MCEE: variants seen among roughly 807,000 people sequenced by gnomAD.
MCEE encodes methylmalonyl-CoA epimerase, also known as methylmalonyl-CoA epimerase, mitochondrial.
MCEE carries 6 observed loss-of-function variants against 12.9 expected under a neutral mutation model. That is an observed-to-expected ratio of 0.47 (90% CI 0.26 to 0.92). The LOEUF is 0.92. MCEE is among the 40% of genes least tolerant of loss of function. The pLI, the probability that MCEE is intolerant of heterozygous loss-of-function variation, is 0.16. For synonymous variants in MCEE, 78 were observed against 77.9 expected, an observed-to-expected ratio of 1.00 and a Z score of -0.01; for missense variants, 214 against 212.1, an observed-to-expected ratio of 1.01 and a Z score of -0.05.
In MCEE at chr2:71,124,381, A is replaced by C. The variant is rs1205207194; in HGVS notation, c.203T>G (p.Ile68Ser). ...CGCTTCACTTACCTGGGCCCCCAGA[A>C]TATTCTTATAAAATGCTGCAGCCTT... ...LEKAAAFYKNILGAQVSEAVP... is the reference protein window; with the variant it reads ...LEKAAAFYKNSLGAQVSEAVP... The change falls in exon 2 of 3, where the codon ATT (isoleucine) becomes AGT (serine). Residue 68 changes from isoleucine (I) to serine (S), a missense_variant. Coordinates refer to ENST00000244217, the MANE Select transcript of MCEE (RefSeq NM_032601.4). 6.2e-7 allele frequency: 1 copy of C among 1,614,028 alleles called. No homozygotes were observed. The highest frequency in any genetic ancestry group is 1.3e-5 in the African/African-American group (1 of 74,918).
chr2:71,122,523 A>G (rs2103634974), intron 2 of MCEE, among the ~76,000 whole-genome samples: 1 of 152,344 alleles, frequency 6.6e-6, no homozygotes, highest in South Asian at 2.1e-4. Flanking sequence ...GGGAGGCCTC[A>G]CACTCATGGC....
chr2:71,120,439 A>G (rs1361560689), intron 2 of MCEE, among the ~76,000 whole-genome samples: 1 of 150,368 alleles, frequency 6.7e-6, no homozygotes, highest in African/African-American at 2.5e-5. Context: ...AAGAGATGGG[A>G]CAAGATGCCC....
At chr2:71,115,775 A>G (rs1368337689) in intron 2 of MCEE, among the ~76,000 whole-genome samples, 20 of 124,224 alleles carry the variant, frequency 1.6e-4, no homozygotes, top group Non-Finnish European at 3.2e-5. Context: ...ATGAGAACAC[A>G]TGGACACAGG....
chr2:71,113,847 C>T (rs1672938802), intron 2 of MCEE, among the ~76,000 whole-genome samples: 2 of 152,100 alleles, frequency 1.3e-5, no homozygotes, highest in South Asian at 4.1e-4. Context: ...ACCTCCTCAC[C>T]TGGGAGATCA....
intron 2 of MCEE, among the ~76,000 whole-genome samples, chr2:71,119,605 G>A (rs1673060348): frequency 6.7e-6 from 1 of 150,364 alleles, no homozygotes; most frequent in Non-Finnish European, 1.5e-5. Flanking sequence ...TGGAAAATGA[G>A]GAGCATGTGT....
chr2:71,125,177 G>GTA (rs1219534521), intron 1 of MCEE, among the ~76,000 whole-genome samples: 1 of 90,672 alleles, frequency 1.1e-5, no homozygotes, highest in Non-Finnish European at 2.3e-5. Context: ...GTATGTGTGT[G>GTA]TATATATATA....
intron 2 of MCEE, chr2:71,117,576 G>A (rs1361267103): frequency 6.7e-6 from 1 of 150,198 alleles, no homozygotes; most frequent in Non-Finnish European, 1.5e-5. Context: ...AATATATGCT[G>A]TCAAAAAAGA....
rs1373600262 is a variant in MCEE at position 71,124,453 on chromosome 2, T to C, written c.131A>G (p.Asn44Ser). The stretch of plus-strand genomic sequence containing the variant: ...GGCTACATGGTTGAGTCGACCCAGG[T>C]TCCACACAGAACCTGTCACTTGATC... ...PLDQVTGSVWNLGRLNHVAIA... is the reference protein window; with the variant it reads ...PLDQVTGSVWSLGRLNHVAIA... The change falls in exon 2 of 3, where the codon AAC (asparagine) becomes AGC (serine). Residue 44 changes from asparagine to serine, a missense_variant. Asn to Ser is a conservative substitution (Grantham distance 46). Coordinates refer to ENST00000244217, the MANE Select transcript of MCEE (RefSeq NM_032601.4). 2.5e-6 allele frequency: 4 copies of C among 1,614,106 alleles called. No individual in the cohort carries two copies. The highest frequency in any genetic ancestry group is 3.4e-6 in the Non-Finnish European group (4 of 1,180,018).
In MCEE at chr2:71,114,640, T is replaced by C. The variant is rs17616692; in HGVS notation, c.379-4518A>G. On this transcript the variant is annotated intron_variant, in intron 2 of 2. Transcript: ENST00000244217. ...TTGTAAATCAATCTGGGAAATTTAA[T>C]TTATGAGCTGTGTATAGATGGTGCC... 0.036 allele frequency among the ~76,000 whole-genome samples: 5,472 copies of C among 152,310 alleles called. 610 individuals are homozygous for C. The East Asian group carries it at 0.43, about 12-fold the overall frequency.
rs1672851075 is a variant in MCEE, at chr2:71,109,912, T to C, written c.*58A>G. 4 of 1,557,916 alleles carry C rather than the reference T, an allele frequency of 2.6e-6. No homozygotes were observed. In the East Asian group the frequency reaches 6.7e-5, roughly 26 times the overall value. On this transcript the variant is annotated 3_prime_UTR_variant, in exon 3 of 3. Coordinates refer to ENST00000244217, the MANE Select transcript of MCEE (RefSeq NM_032601.4). Reference sequence around the variant, plus strand: ...GAAGGACTCAATGTCATAGTACATTTTGATAGTATTTGATAGGCTTTTTCA... The same window carrying C: ...GAAGGACTCAATGTCATAGTACATTCTGATAGTATTTGATAGGCTTTTTCA...
Position 71,110,049 on chromosome 2 carries a change from A to C in MCEE, c.452T>G (p.Ile151Arg). The C allele has an allele frequency of 6.2e-7, 1 of 1,613,716 alleles. No homozygotes were observed. The highest frequency in any genetic ancestry group is 8.5e-7 in the Non-Finnish European group (1 of 1,179,696). ...KIRSLSEEVK[I>R]GAHGKPVIFL... The stretch of plus-strand genomic sequence containing the variant: ...AATCACTGGTTTTCCATGTGCTCCT[A>C]TTTTGACCTCTTCACTTAGACTGCG... Residue 151 changes from isoleucine (I) to arginine (R), a missense_variant, in exon 3 of 3, where the codon ATA (isoleucine) becomes AGA (arginine). Transcript: ENST00000244217.
Position 71,124,428 on chromosome 2 carries a change from G to A in MCEE, c.156C>T (p.Ala52=). 1 of 1,614,154 alleles carries A rather than the reference G, an allele frequency of 6.2e-7. No individual in the cohort carries two copies. Among genetic ancestry groups the A allele is most frequent in the Non-Finnish European group, 8.5e-7 (1 of 1,180,026 alleles). The change falls in exon 2 of 3, where the codon GCC becomes GCT. Residue 52 remains alanine, a synonymous_variant. Coordinates refer to ENST00000244217, the MANE Select transcript of MCEE (RefSeq NM_032601.4). The stretch of plus-strand genomic sequence containing the variant: ...CCTTTTCCAAATCTGGCACTGCTAT[G>A]GCTACATGGTTGAGTCGACCCAGGT... ...VWNLGRLNHV[A]IAVPDLEKAA...
At chr2:71,123,237 A>G (rs1039132845) in intron 2 of MCEE, among the ~76,000 whole-genome samples, 1 of 152,236 alleles carries the variant, frequency 6.6e-6, no homozygotes, top group African/African-American at 2.4e-5. Context: ...CACGCCTATA[A>G]TCCCAGCACT....
chr2:71,111,775 G>A (rs1053255893), intron 2 of MCEE, among the ~76,000 whole-genome samples: 1 of 152,080 alleles, frequency 6.6e-6, no homozygotes, highest in African/African-American at 2.4e-5. Context: ...AGTTCCACGT[G>A]GATTCCCCCT....
At chr2:71,113,148 C>A (rs1672922795) in intron 2 of MCEE, among the ~76,000 whole-genome samples, 1 of 152,130 alleles carries the variant, frequency 6.6e-6, no homozygotes, top group Non-Finnish European at 1.5e-5. Context: ...CTAAGTTTCT[C>A]ACTGTTGGAA....
chr2:71,123,797 GA>G (rs1199992496), intron 2 of MCEE, among the ~76,000 whole-genome samples: 2 of 152,174 alleles, frequency 1.3e-5, no homozygotes, highest in African/African-American at 4.8e-5. Context: ...TTTAAAGAGA[GA>G]AAAGAGTTAT....
intron 2 of MCEE, among the ~76,000 whole-genome samples, chr2:71,117,809 G>A (rs1275774358): frequency 1.3e-5 from 2 of 149,984 alleles, no homozygotes; most frequent in Non-Finnish European, 2.9e-5. Flanking sequence ...GGGAAGCCAG[G>A]CTCCCATGAT....
chr2:71,112,090 A>T lies in MCEE; in HGVS notation c.379-1968T>A, dbSNP rs532093394. On this transcript the variant is annotated intron_variant, in intron 2 of 2. Coordinates refer to ENST00000244217, the MANE Select transcript of MCEE (RefSeq NM_032601.4). ...CTTTTTTACTTTGATTGCTTTTAAG[A>T]TTTTCTTGTCATCTTTGATTTTCAG... is the stretch of plus-strand genomic sequence containing the variant. 2.0e-4 allele frequency among the ~76,000 whole-genome samples: 31 copies of T among 151,870 alleles called. No homozygotes were observed. The East Asian group carries it at 3.3e-3, about 16-fold the overall frequency.
intron 2 of MCEE, among the ~76,000 whole-genome samples, chr2:71,122,209 T>G (rs1283033558): frequency 6.6e-6 from 1 of 152,140 alleles, no homozygotes; most frequent in Non-Finnish European, 1.5e-5. Flanking sequence ...CACTACAACC[T>G]CCACCTCAGC....
Sources: allele counts gnomAD v4.1 joint callset (sites outside exome capture counted in the v4.1 genomes callset), GRCh38; gene constraint gnomAD v4.1.1; transcripts MANE v1.5; gene names NCBI Gene and HGNC (gene_info 2026-07-23, HGNC 2026-07-21).